Variants in ILDR2 observed in about 807,000 individuals in gnomAD.
ILDR2 encodes immunoglobulin-like domain-containing receptor 2.
In ILDR2, 25 loss-of-function variants were observed where a neutral mutation model predicts 66.8. The ratio of observed to expected loss-of-function variants is 0.37; its 90% CI spans 0.27 to 0.52. The LOEUF (loss-of-function observed/expected upper bound fraction) is 0.52. Among genes scored for constraint, ILDR2 ranks in the 20% least tolerant of loss-of-function variants. ILDR2 has a pLI of 0.88. For missense variants in ILDR2, 827 were observed against 876.8 expected (o/e 0.94, Z 0.72); for synonymous variants, 367 against 357.2 (o/e 1.03, Z -0.31).
At chr1:166,952,987 A>G (rs1390633200) in intron 3 of ILDR2, among the ~76,000 whole-genome samples, 1 of 152,166 alleles carries the variant, frequency 6.6e-6, no homozygotes, top group Non-Finnish European at 1.5e-5. Flanking sequence ...ATAAACTACA[A>G]CTTATTTTCA....
At position 166,910,752 on chromosome 1, in the gene ILDR2, AT is replaced by A. The variant is rs1659455428; in HGVS notation, c.*8602del. The stretch of plus-strand genomic sequence containing the variant: ...GTATGATTAGGATGTCTCTGCCAAG[AT>A]TTTCTAAGAGAACCTGAAATTAGCC... On this transcript the variant is annotated 3_prime_UTR_variant, in exon 10 of 10. Transcript: ENST00000271417. 1 of 152,236 alleles carries A rather than the reference AT, an allele frequency of 6.6e-6. No individual in the cohort carries two copies. Among genetic ancestry groups the A allele is most frequent in the African/African-American group, 2.4e-5 (1 of 41,464 alleles). 9.4% of individuals were successfully genotyped at this position (152,236 alleles called of 1,614,324 possible).
At chr1:166,896,610 A>G (rs1659171247) in intron 2 of ILDR2, among the ~76,000 whole-genome samples, 1 of 150,910 alleles carries the variant, frequency 6.6e-6, no homozygotes, top group Non-Finnish European at 1.5e-5. Flanking sequence ...CAAATAAATT[A>G]TATTACTAAA....
At chr1:166,963,442 G>A (rs960849434) in intron 1 of ILDR2, among the ~76,000 whole-genome samples, 4 of 152,196 alleles carry the variant, frequency 2.6e-5, no homozygotes, top group Non-Finnish European at 5.9e-5. Flanking sequence ...GCAGGTGACA[G>A]TTTAGGTTTG....
chr1:166,903,923 C>T (rs994115473), downstream of ILDR2, among the ~76,000 whole-genome samples: 13 of 152,178 alleles, frequency 8.5e-5, no homozygotes, highest in Non-Finnish European at 1.6e-4. Flanking sequence ...TCTCTGACCA[C>T]CCTTCTAATA....
At chr1:166,935,209 G>C in intron 6 of ILDR2, 92 bp downstream of exon 6, 1 of 1,250,102 alleles carries the variant, frequency 8.0e-7, no homozygotes, top group South Asian at 1.3e-5. Context: ...ATTTTCCAAA[G>C]ACACATCACT....
At chr1:166,965,155 C>A (rs1662856947) in intron 1 of ILDR2, among the ~76,000 whole-genome samples, 1 of 152,158 alleles carries the variant, frequency 6.6e-6, no homozygotes, top group Non-Finnish European at 1.5e-5. Context: ...CAGATTCTTT[C>A]TTCATTCAGT....
At chr1:166,946,249 T>C (rs935056381) in intron 3 of ILDR2, among the ~76,000 whole-genome samples, 4 of 152,244 alleles carry the variant, frequency 2.6e-5, no homozygotes, top group African/African-American at 9.6e-5. Context: ...TTAATAAATA[T>C]AGTTTATGAC....
chr1:166,911,655 T>C lies in ILDR2; in HGVS notation c.*7700A>G, dbSNP rs1179139336. On this transcript the variant is annotated 3_prime_UTR_variant, in exon 10 of 10. Transcript: ENST00000271417. ...AGATATTCAGATAAATAAGAGGGCA[T>C]TGTAAAAAAAAAAAAAGAGTAAGTC... 2 of 122,476 alleles carry C rather than the reference T, an allele frequency of 1.6e-5. No individual in the cohort carries two copies. The highest frequency in any genetic ancestry group is 2.9e-5 in the African/African-American group (1 of 34,326). 7.6% of individuals were successfully genotyped at this position (122,476 alleles called of 1,614,324 possible). A position where few individuals can be genotyped will look rare whatever the true frequency, so the allele number is the denominator to read the frequency against.
In ILDR2 at chr1:166,936,134, A is replaced by T. The variant is rs1474131501; in HGVS notation, c.703+457T>A. On this transcript the variant is annotated intron_variant, in intron 5 of 9. Coordinates refer to ENST00000271417, the MANE Select transcript of ILDR2 (RefSeq NM_199351.3). The surrounding 1 kb of genome is among the most constrained non-coding windows in gnomAD (Gnocchi z 5.0). ...AGGCCCTATTGTGGCCCATGTCATC[A>T]TGGGAGTAAATAAAACAAATCTGTG... 3.9e-5 allele frequency among the ~76,000 whole-genome samples: 6 copies of T among 152,148 alleles called. No homozygotes were observed. The highest frequency in any genetic ancestry group is 1.4e-4 in the African/African-American group (6 of 41,436).
intron 1 of ILDR2, among the ~76,000 whole-genome samples, chr1:166,962,462 T>C (rs997490611): frequency 2.0e-5 from 3 of 152,160 alleles, no homozygotes; most frequent in Non-Finnish European, 1.5e-5. Flanking sequence ...TCCTATACCT[T>C]CATGCATGGC....
In ILDR2 at chr1:166,957,879, T is replaced by G; in HGVS notation, c.269A>C (p.Tyr90Ser). The part of the protein sequence containing the change: ...LSKRNLEWDP[Y>S]LDCLDSRRTV... ...CCTCCTGCTGTCCAAACAATCCAAG[T>G]AGGGGTCCCATTCCAGGTTTCTCTT... is the stretch of plus-strand genomic sequence containing the variant. The change falls in exon 2 of 10, where the codon TAC becomes TCC. Residue 90 changes from tyrosine (Y) to serine (S), a missense_variant. Physicochemically the swap from Tyr to Ser is moderately radical, Grantham distance 144. Around this residue, in one of 2 missense-constraint regions of ILDR2, gnomAD observed 437 missense variants for 523.2 expected, o/e 0.84. Transcript: ENST00000271417. 6.2e-7 allele frequency: 1 copy of G among 1,614,126 alleles called. No homozygotes were observed. Among genetic ancestry groups the G allele is most frequent in the South Asian group, 1.1e-5 (1 of 91,088 alleles).
intron 3 of ILDR2, 58 bp downstream of exon 3, chr1:166,956,675 G>A: frequency 1.3e-6 from 2 of 1,591,046 alleles, no homozygotes. Flanking sequence ...AGAGGGATAG[G>A]ATACAGTGCA....
chr1:166,960,144 GA>G (rs1662524575), intron 1 of ILDR2, among the ~76,000 whole-genome samples: 1 of 152,168 alleles, frequency 6.6e-6, no homozygotes, highest in South Asian at 2.1e-4. Context: ...AAGGAACAAT[GA>G]AAAAGTAGGT....
rs565376613 is a variant in ILDR2 at position 166,916,687 on chromosome 1, G to C, written c.*2668C>G. 8.5e-5 allele frequency: 13 copies of C among 152,334 alleles called. No homozygotes were observed. The South Asian group carries it at 2.5e-3, about 29-fold the overall frequency. 9.4% of individuals were successfully genotyped at this position (152,334 alleles called of 1,614,324 possible). On this transcript the variant is annotated 3_prime_UTR_variant, in exon 10 of 10. Coordinates refer to ENST00000271417, the MANE Select transcript of ILDR2 (RefSeq NM_199351.3). ...GCTTTTTCTCTCTACTGAAAGCCTG[G>C]AAGTCTGAATGATTTATCCAGTTCT...
chr1:166,957,829 G>A lies in ILDR2; in HGVS notation c.319C>T (p.Gln107Ter). Residue 107 changes from glutamine (Q) to a stop codon, truncating the protein, a stop_gained, in exon 2 of 10, where the codon CAG becomes TAG. Coordinates refer to ENST00000271417, the MANE Select transcript of ILDR2 (RefSeq NM_199351.3). LOFTEE classifies it high-confidence loss of function. Reference sequence around the variant, plus strand: ...TCTCCCAGGGTGACAGTCGAGCCCTGTTTTGAAGCTACTACTCGAACAGTC... The same window carrying A: ...TCTCCCAGGGTGACAGTCGAGCCCTATTTTGAAGCTACTACTCGAACAGTC... Reference protein sequence around the residue: ...RRTVRVVASKQGSTVTLGDFY... With the variant: ...RRTVRVVASK 2 of 1,614,184 alleles carry A rather than the reference G, an allele frequency of 1.2e-6. No individual in the cohort carries two copies. Among genetic ancestry groups the A allele is most frequent in the Non-Finnish European group, 1.7e-6 (2 of 1,180,018 alleles).
At chr1:166,941,965 G>A (rs186859368) in intron 3 of ILDR2, among the ~76,000 whole-genome samples, 4 of 152,240 alleles carry the variant, frequency 2.6e-5, no homozygotes, top group Admixed American at 2.6e-4. Flanking sequence ...ATGTTATATC[G>A]GAAAAAGCAG....
At chr1:166,895,728 T>C (rs1000995981) in exon 3 of ILDR2, 2 of 152,212 alleles carry the variant, frequency 1.3e-5, no homozygotes, top group Admixed American at 1.3e-4. Flanking sequence ...ATTTATTTAA[T>C]ATATTTATGA....
chr1:166,958,562 A>T (rs1459825762), intron 1 of ILDR2, among the ~76,000 whole-genome samples: 1 of 152,158 alleles, frequency 6.6e-6, no homozygotes, highest in Non-Finnish European at 1.5e-5. Context: ...AACCTGTGGA[A>T]CTGTGAGTCA....
At chr1:166,906,189 C>T (rs376275152), downstream of ILDR2, among the ~76,000 whole-genome samples, 13 of 152,290 alleles carry the variant, frequency 8.5e-5, no homozygotes, top group African/African-American at 2.9e-4. Flanking sequence ...CACTACAAGA[C>T]CTACTGCATG....
Sources: allele counts gnomAD v4.1 joint callset (sites outside exome capture counted in the v4.1 genomes callset), GRCh38; gene constraint gnomAD v4.1.1; regional missense constraint gnomAD v4.1.1; non-coding constraint Gnocchi (gnomAD v3.1); transcripts MANE v1.5; gene names NCBI Gene and HGNC (gene_info 2026-07-23, HGNC 2026-07-21).